DLGAP1: variants seen among roughly 807,000 people sequenced by gnomAD.
DLGAP1 encodes DLG associated protein 1, also known as disks large-associated protein 1.
DLGAP1 carries 11 observed loss-of-function variants against 90.8 expected under a neutral mutation model. That is an observed-to-expected ratio of 0.12 (90% CI 0.08 to 0.20). The LOEUF (loss-of-function observed/expected upper bound fraction) is 0.20, where lower values mean the gene tolerates loss of function less well. Among genes scored for constraint, DLGAP1 ranks in the 10% least tolerant of loss-of-function variants. The pLI, the probability that DLGAP1 is intolerant of heterozygous loss-of-function variation, is 1.00. For missense variants in DLGAP1, 1,050 were observed against 1,333.8 expected (o/e 0.79, Z 3.31); for synonymous variants, 558 against 540.7 (o/e 1.03, Z -0.44).
intron 5 of DLGAP1, among the ~76,000 whole-genome samples, chr18:3,804,320 G>A (rs369506911): frequency 3.3e-4 from 50 of 152,260 alleles, no homozygotes; most frequent in African/African-American, 1.2e-3. Context: ...AGTAGTTAAT[G>A]TGATCATTGA....
At chr18:4,128,659 T>C (rs777362682) in intron 2 of DLGAP1, among the ~76,000 whole-genome samples, 1 of 152,094 alleles carries the variant, frequency 6.6e-6, no homozygotes, top group African/African-American at 2.4e-5. Context: ...TACAAAGTAA[T>C]ACTGGCCTGA....
At chr18:3,543,366 C>T (rs552809459) in intron 9 of DLGAP1, among the ~76,000 whole-genome samples, 2 of 152,004 alleles carry the variant, frequency 1.3e-5, no homozygotes, top group Middle Eastern at 3.2e-3. Flanking sequence ...GGGGTTTCAC[C>T]CTGTTAGCCA....
Position 4,353,782 on chromosome 18 carries a change from A to G in DLGAP1, c.-267+101224T>C, listed in dbSNP as rs1386135870. 2.0e-5 allele frequency among the ~76,000 whole-genome samples: 3 copies of G among 152,026 alleles called. No individual in the cohort carries two copies. In the East Asian group the frequency reaches 5.8e-4, roughly 29 times the overall value. ...TATTTTTCCTCCACTCTGTTTTTCA[A>G]GGGGTTTCTTAATCCTGAAGTTTAG... On this transcript the variant is annotated intron_variant, in intron 1 of 12. Coordinates refer to ENST00000315677, the MANE Select transcript of DLGAP1 (RefSeq NM_004746.4).
At chr18:3,568,481 A>G (rs1441739645) in intron 8 of DLGAP1, among the ~76,000 whole-genome samples, 2 of 152,102 alleles carry the variant, frequency 1.3e-5, no homozygotes, top group Non-Finnish European at 2.9e-5. Flanking sequence ...AAAATTTTAG[A>G]ATTATTAGGT....
chr18:4,248,995 T>C (rs1467900415), intron 1 of DLGAP1, among the ~76,000 whole-genome samples: 1 of 152,192 alleles, frequency 6.6e-6, no homozygotes, highest in Non-Finnish European at 1.5e-5. Context: ...GATACCCACA[T>C]AGGGCACTTG....
chr18:3,881,369 G>C (rs2071163982), intron 3 of DLGAP1, among the ~76,000 whole-genome samples: 1 of 152,150 alleles, frequency 6.6e-6, no homozygotes, highest in African/African-American at 2.4e-5. Context: ...AACTGGAGAG[G>C]GGCTCAGTTC....
intron 5 of DLGAP1, among the ~76,000 whole-genome samples, chr18:3,748,121 C>A (rs1311518408): frequency 6.6e-6 from 1 of 152,208 alleles, no homozygotes; most frequent in Non-Finnish European, 1.5e-5. Context: ...CCCTAAATTA[C>A]TTATGCTAAG....
At chr18:3,754,891 T>A (rs2063655788) in intron 5 of DLGAP1, among the ~76,000 whole-genome samples, 1 of 151,782 alleles carries the variant, frequency 6.6e-6, no homozygotes, top group South Asian at 2.1e-4. Context: ...CAAGACTCCA[T>A]CTAAAAAAAA....
At chr18:4,018,592 C>A (rs1265486928) in intron 2 of DLGAP1, among the ~76,000 whole-genome samples, 1 of 152,146 alleles carries the variant, frequency 6.6e-6, no homozygotes, top group Non-Finnish European at 1.5e-5. Flanking sequence ...TCCCATGTAA[C>A]CTGCATATAA....
At chr18:4,393,089 A>T (rs1483772953) in intron 1 of DLGAP1, among the ~76,000 whole-genome samples, 1 of 152,176 alleles carries the variant, frequency 6.6e-6, no homozygotes, top group Non-Finnish European at 1.5e-5. Context: ...AAATTCCTAC[A>T]GTTGGTTTCT....
chr18:3,724,938 C>T (rs774337739), intron 7 of DLGAP1, among the ~76,000 whole-genome samples: 53 of 151,634 alleles, frequency 3.5e-4, no homozygotes, highest in Admixed American at 7.2e-4. Flanking sequence ...ACAGAAAAAC[C>T]CACCAGAGAA....
chr18:4,398,440 A>G (rs1451118781), intron 1 of DLGAP1, among the ~76,000 whole-genome samples: 1 of 152,240 alleles, frequency 6.6e-6, no homozygotes, highest in African/African-American at 2.4e-5. Flanking sequence ...CGGATATGCT[A>G]TGGACATACC....
At chr18:4,382,741 G>A (rs183259741) in intron 1 of DLGAP1, among the ~76,000 whole-genome samples, 149 of 152,164 alleles carry the variant, frequency 9.8e-4, no homozygotes, top group Non-Finnish European at 2.5e-4. Flanking sequence ...AACCTTTCCT[G>A]TATTCTTTGT....
chr18:3,717,039 CTTTTTTTTTTT>C (rs56981271), intron 7 of DLGAP1, among the ~76,000 whole-genome samples: 1 of 113,850 alleles, frequency 8.8e-6, no homozygotes, highest in South Asian at 2.8e-4. Context: ...GTGAGTTTGC[CTTTTTTTTTTT>C]TTTTTTTTTT....
intron 3 of DLGAP1, among the ~76,000 whole-genome samples, chr18:3,939,509 A>C (rs1219319208): frequency 6.6e-6 from 1 of 152,088 alleles, no homozygotes; most frequent in Non-Finnish European, 1.5e-5. Context: ...AACAAACAAA[A>C]AAACAAGTGG....
intron 3 of DLGAP1, chr18:3,896,343 G>A (rs568284269): frequency 6.6e-6 from 1 of 152,142 alleles, no homozygotes; most frequent in African/African-American, 2.4e-5. Context: ...AGAGACCACC[G>A]TCAATCAATG....
At chr18:4,261,972 C>A (rs936335786) in intron 1 of DLGAP1, among the ~76,000 whole-genome samples, 1 of 152,050 alleles carries the variant, frequency 6.6e-6, no homozygotes, top group South Asian at 2.1e-4. Flanking sequence ...GTATGTTAAC[C>A]ATCATTGATA....
At chr18:4,134,804 G>T (rs187122637) in intron 2 of DLGAP1, among the ~76,000 whole-genome samples, 1 of 151,770 alleles carries the variant, frequency 6.6e-6, no homozygotes, top group Non-Finnish European at 1.5e-5. Context: ...TTTCCCCAGG[G>T]GACATAATTA....
rs11457362 is a variant in DLGAP1 at position 4,003,437 on chromosome 18, G to GTTT, written c.-73+1676_-73+1678dup. Among the ~76,000 whole-genome samples the GTTT allele has an allele frequency of 4.7e-3, 609 of 130,338 alleles. 5 individuals are homozygous for GTTT. Among genetic ancestry groups the GTTT allele is most frequent in the African/African-American group, 0.011 (384 of 34,520 alleles). 85.5% of individuals were successfully genotyped at this position (130,338 alleles called of 152,430 possible). On this transcript the variant is annotated intron_variant, in intron 3 of 12. Transcript: ENST00000315677. ...TCTTTTTCAGGTGCTTAATATCATT[G>GTTT]TTTTTTTTTTTTTTTTTGGAAGTTA...
Sources: allele counts gnomAD v4.1 joint callset (sites outside exome capture counted in the v4.1 genomes callset), GRCh38; gene constraint gnomAD v4.1.1; transcripts MANE v1.5; gene names NCBI Gene and HGNC (gene_info 2026-07-23, HGNC 2026-07-21).